Variants in POLR1C observed in about 807,000 individuals in gnomAD.
POLR1C encodes the protein DNA-directed RNA polymerases I and III subunit RPAC1.
In POLR1C, 42 loss-of-function variants were observed where a neutral mutation model predicts 38.3. The observed-to-expected ratio is 1.10, with a 90% CI of 0.86 to 1.42. POLR1C has a LOEUF of 1.42. Ranked by LOEUF, POLR1C falls within the 40% of genes most tolerant of loss-of-function variation. The pLI is 0.00. For synonymous variants in POLR1C, 163 were observed against 163.9 expected (o/e 0.99, Z 0.04); for missense variants, 507 against 450.5 (o/e 1.13, Z -1.14).
intron 9 of POLR1C, chr6:43,548,451 C>A: frequency 6.5e-7 from 1 of 1,547,770 alleles, no homozygotes; most frequent in Non-Finnish European, 8.8e-7. Context: ...TAAAGCATGT[C>A]AAAATTGGGC....
downstream of POLR1C, chr6:43,531,561 G>A (rs576734931): frequency 2.5e-6 from 4 of 1,613,902 alleles, no homozygotes; most frequent in South Asian, 3.3e-5. Flanking sequence ...AGTTCCAAGA[G>A]AGGTTGAGGT....
intron 10 of POLR1C, among the ~76,000 whole-genome samples, chr6:43,558,035 T>C (rs998217111): frequency 3.3e-5 from 5 of 149,810 alleles, no homozygotes; most frequent in African/African-American, 1.2e-4. Context: ...GCAGAGGTTG[T>C]GGTGAGCCGA....
At chr6:43,533,377 C>CG (rs1554133263), downstream of POLR1C, 3 of 152,202 alleles carry the variant, frequency 2.0e-5, no homozygotes, top group Non-Finnish European at 2.9e-5. Context: ...AAGGGGTTAA[C>CG]GGGGAAAAAA....
chr6:43,531,010 CAGT>C (rs774610356), downstream of POLR1C, among the ~76,000 whole-genome samples: 16 of 152,214 alleles, frequency 1.1e-4, no homozygotes, highest in Non-Finnish European at 1.8e-4. Flanking sequence ...CCGAGATCAG[CAGT>C]AGCTTTCATT....
chr6:43,519,333 A>G lies in POLR1C; in HGVS notation c.142A>G (p.Asn48Asp). ...DAWDQDRFEK[N>D]FRVDVVHMDE... ...TAAATGTTTTTTCCTGTCCCTCTAG[A>G]ATTTCCGTGTGGATGTAGTACACAT... Residue 48 changes from asparagine to aspartate, a missense_variant and splice_region_variant, in exon 3 of 9, where the codon AAT becomes GAT. Coordinates refer to ENST00000642195, the MANE Select transcript of POLR1C (RefSeq NM_203290.4). 6.3e-7 allele frequency: 1 copy of G among 1,595,086 alleles called. No homozygotes were observed. The highest frequency in any genetic ancestry group is 2.2e-5 in the East Asian group (1 of 44,776).
downstream of POLR1C, chr6:43,526,051 G>A: frequency 1.1e-6 from 1 of 933,682 alleles, no homozygotes; most frequent in Non-Finnish European, 1.6e-6. Flanking sequence ...GTAGTACTAG[G>A]AGCCCTCCCA....
intron 8 of POLR1C, among the ~76,000 whole-genome samples, chr6:43,527,997 G>A (rs1236954807): frequency 6.6e-6 from 1 of 152,150 alleles, no homozygotes; most frequent in African/African-American, 2.4e-5. Context: ...CTGCCTGCTG[G>A]TAACAGCCTG....
downstream of POLR1C, chr6:43,524,756 A>C: frequency 6.3e-7 from 1 of 1,592,870 alleles, no homozygotes; most frequent in African/African-American, 1.3e-5. Context: ...TGAATTTAGG[A>C]TAAGGCCCAA....
chr6:43,552,835 G>A (rs1049660889), intron 10 of POLR1C, among the ~76,000 whole-genome samples: 1 of 152,196 alleles, frequency 6.6e-6, no homozygotes, highest in Non-Finnish European at 1.5e-5. Context: ...GTGGCGTACA[G>A]TATTCTAAAG....
At chr6:43,546,566 C>A in intron 9 of POLR1C, 1 of 1,598,882 alleles carries the variant, frequency 6.3e-7, no homozygotes, top group Non-Finnish European at 8.5e-7. Flanking sequence ...ATTATTCTGA[C>A]TCACCTTATA....
chr6:43,546,814 T>G, intron 9 of POLR1C: 1 of 1,418,066 alleles, frequency 7.1e-7, no homozygotes, highest in Non-Finnish European at 9.4e-7. Flanking sequence ...GACCAAATAC[T>G]GTTAGATATA....
intron 9 of POLR1C, among the ~76,000 whole-genome samples, chr6:43,534,959 C>T (rs1794224442): frequency 6.6e-6 from 1 of 152,120 alleles, no homozygotes; most frequent in Non-Finnish European, 1.5e-5. Context: ...CATACCACTG[C>T]ACTCCAGCCT....
intron 10 of POLR1C, chr6:43,558,891 T>C (rs1762254878): frequency 7.4e-6 from 2 of 269,596 alleles, no homozygotes; most frequent in African/African-American, 2.2e-5. Flanking sequence ...CAGTATGTAG[T>C]AAGGAAGAAA....
chr6:43,529,100 T>C, intron 8 of POLR1C: 1 of 1,043,536 alleles, frequency 9.6e-7, no homozygotes, highest in Non-Finnish European at 1.4e-6. Context: ...TAAATGGCAC[T>C]GATATTGAAT....
intron 10 of POLR1C, chr6:43,551,209 A>AACATT: frequency 7.4e-7 from 1 of 1,347,538 alleles, no homozygotes; most frequent in Non-Finnish European, 9.8e-7. Context: ...TGGGCAATGT[A>AACATT]GCAAGATCCT....
downstream of POLR1C, among the ~76,000 whole-genome samples, chr6:43,530,995 G>A (rs1386180749): frequency 6.6e-6 from 1 of 152,214 alleles, no homozygotes; most frequent in African/African-American, 2.4e-5. Flanking sequence ...GACAGATGTT[G>A]GTGGCCGAGA....
intron 2 of POLR1C, among the ~76,000 whole-genome samples, chr6:43,517,987 A>T (rs987479027): frequency 5.9e-5 from 9 of 152,146 alleles, no homozygotes; most frequent in Non-Finnish European, 1.3e-4. Context: ...ACCTGTTGAT[A>T]CAAGGAATAA....
intron 2 of POLR1C, among the ~76,000 whole-genome samples, chr6:43,518,452 G>T (rs1006147900): frequency 2.6e-5 from 4 of 152,218 alleles, no homozygotes; most frequent in African/African-American, 9.6e-5. Context: ...TTTTCTGCAT[G>T]TGGAGAAATC....
downstream of POLR1C, chr6:43,522,821 G>T: frequency 2.9e-6 from 1 of 347,884 alleles, no homozygotes; most frequent in South Asian, 2.1e-5. Context: ...TAACCTCAGG[G>T]CCAGGTCCCG....
Sources: allele counts gnomAD v4.1 joint callset (sites outside exome capture counted in the v4.1 genomes callset), GRCh38; gene constraint gnomAD v4.1.1; transcripts MANE v1.5; gene names NCBI Gene and HGNC (gene_info 2026-07-23, HGNC 2026-07-21).